The following NRG3 variants were observed in gnomAD, a reference collection of about 807,000 sequenced individuals.
NRG3 encodes pro-neuregulin-3, membrane-bound isoform.
Under a neutral mutation model 66.9 loss-of-function variants are expected in NRG3, and 31 were observed. That is an observed-to-expected ratio of 0.46 (90% confidence interval 0.35 to 0.63). The LOEUF (loss-of-function observed/expected upper bound fraction) is 0.63, where lower values mean the gene tolerates loss of function less well. NRG3 is among the 20% of genes least tolerant of loss of function. NRG3 has a pLI of 0.00. For missense variants in NRG3, 910 were observed against 878.9 expected, an observed-to-expected ratio of 1.04 and a Z score of -0.45; for synonymous variants, 393 against 359.4, an observed-to-expected ratio of 1.09 and a Z score of -1.06.
intron 1 of NRG3, among the ~76,000 whole-genome samples, chr10:82,013,233 A>G (rs2061650388): frequency 6.6e-6 from 1 of 152,164 alleles, no homozygotes; most frequent in Non-Finnish European, 1.5e-5. Context: ...TGTGCAGGGG[A>G]ACTCTCATTT....
intron 1 of NRG3, among the ~76,000 whole-genome samples, chr10:82,093,387 A>C (rs1450095068): frequency 6.6e-6 from 1 of 152,196 alleles, no homozygotes; most frequent in East Asian, 1.9e-4. Context: ...TGAATCTTGC[A>C]CCTCAGGTGC....
At chr10:82,612,621 T>G (rs2133518094) in intron 2 of NRG3, among the ~76,000 whole-genome samples, 1 of 152,306 alleles carries the variant, frequency 6.6e-6, no homozygotes, top group East Asian at 1.9e-4. Context: ...CAGTTTAAAA[T>G]GAATGTCTTT....
chr10:82,156,987 A>T (rs957110009), intron 1 of NRG3, among the ~76,000 whole-genome samples: 3 of 151,676 alleles, frequency 2.0e-5, no homozygotes, highest in Admixed American at 2.0e-4. Context: ...CTACATTGTC[A>T]TTGCATCGGC....
At chr10:82,094,241 T>C (rs560359644) in intron 1 of NRG3, among the ~76,000 whole-genome samples, 75 of 152,316 alleles carry the variant, frequency 4.9e-4, no homozygotes, top group Admixed American at 2.4e-3. Flanking sequence ...TGGCCTTATA[T>C]TGAATTGCAG....
intron 1 of NRG3, among the ~76,000 whole-genome samples, chr10:81,918,972 A>ACAC (rs10629762): frequency 0.052 from 6,732 of 129,434 alleles, 217 homozygotes; most frequent in African/African-American, 0.11. Context: ...GCATCATAAC[A>ACAC]AAACACACAC....
intron 2 of NRG3, among the ~76,000 whole-genome samples, chr10:82,408,529 G>T (rs2087797548): frequency 6.6e-6 from 1 of 151,678 alleles, no homozygotes; most frequent in Admixed American, 6.6e-5. Context: ...AATTTATAAA[G>T]TTATTACATA....
intron 2 of NRG3, among the ~76,000 whole-genome samples, chr10:82,401,285 C>T (rs2087084445): frequency 6.6e-6 from 1 of 151,522 alleles, no homozygotes; most frequent in Non-Finnish European, 1.5e-5. Flanking sequence ...CTATAATATA[C>T]AAAATTTATA....
chr10:82,093,168 ATCC>A (rs1439938399), intron 1 of NRG3, among the ~76,000 whole-genome samples: 2 of 152,204 alleles, frequency 1.3e-5, no homozygotes, highest in African/African-American at 4.8e-5. Context: ...TACTGTTATC[ATCC>A]TCATTATTCA....
At chr10:82,286,861 C>G (rs1238018453) in intron 1 of NRG3, among the ~76,000 whole-genome samples, 1 of 152,176 alleles carries the variant, frequency 6.6e-6, no homozygotes, top group Non-Finnish European at 1.5e-5. Flanking sequence ...GCTGGGATTA[C>G]AGGCGTGAGC....
chr10:82,250,430 CA>C (rs577276461), intron 1 of NRG3, among the ~76,000 whole-genome samples: 59 of 152,008 alleles, frequency 3.9e-4, no homozygotes, highest in African/African-American at 1.4e-3. Context: ...ACTAAAAATA[CA>C]AAAAATTATC....
At chr10:82,398,818 T>C (rs564097134) in intron 2 of NRG3, among the ~76,000 whole-genome samples, 1 of 152,232 alleles carries the variant, frequency 6.6e-6, no homozygotes, top group East Asian at 1.9e-4. Context: ...CTTCAGGACC[T>C]GCCATGATGC....
intron 5 of NRG3, among the ~76,000 whole-genome samples, chr10:82,957,715 T>C (rs1850194521): frequency 6.6e-6 from 1 of 150,500 alleles, no homozygotes; most frequent in African/African-American, 2.5e-5. Context: ...CTATTGATCC[T>C]TGTAGCCAAG....
At chr10:82,643,947 C>T (rs2050763478) in intron 2 of NRG3, among the ~76,000 whole-genome samples, 2 of 151,628 alleles carry the variant, frequency 1.3e-5, no homozygotes, top group African/African-American at 4.8e-5. Context: ...ATGTTTGATC[C>T]TTGACTAACC....
chr10:82,300,118 G>A (rs769217201), intron 1 of NRG3, among the ~76,000 whole-genome samples: 3 of 152,144 alleles, frequency 2.0e-5, no homozygotes, highest in Non-Finnish European at 4.4e-5. Context: ...CACATTGTTA[G>A]TTTGGGGATT....
chr10:82,761,500 T>C (rs2135064049), intron 3 of NRG3, among the ~76,000 whole-genome samples: 1 of 152,216 alleles, frequency 6.6e-6, no homozygotes, highest in African/African-American at 2.4e-5. Flanking sequence ...ACAAACATTT[T>C]GTTAGAAAAT....
chr10:81,943,262 T>A (rs1848553303), intron 1 of NRG3, among the ~76,000 whole-genome samples: 1 of 152,060 alleles, frequency 6.6e-6, no homozygotes, highest in African/African-American at 2.4e-5. Context: ...ATGTCTGTAG[T>A]TTCAGTTACT....
intron 3 of NRG3, among the ~76,000 whole-genome samples, chr10:82,791,678 A>G (rs1355738822): frequency 6.6e-6 from 1 of 152,176 alleles, no homozygotes; most frequent in African/African-American, 2.4e-5. Flanking sequence ...GAGATTTTCA[A>G]AGCCCAGTAG....
At chr10:82,830,379 A>G (rs932401716) in intron 3 of NRG3, among the ~76,000 whole-genome samples, 3 of 152,214 alleles carry the variant, frequency 2.0e-5, no homozygotes, top group African/African-American at 7.2e-5. Flanking sequence ...TTTTCCTTCT[A>G]GGACAGTGGC....
At chr10:82,806,336 G>A (rs1170053231) in intron 3 of NRG3, among the ~76,000 whole-genome samples, 2 of 152,154 alleles carry the variant, frequency 1.3e-5, no homozygotes, top group Non-Finnish European at 2.9e-5. Context: ...AGATAAGACG[G>A]CATTATTTTC....
Sources: gnomAD v4.1 joint callset for allele counts (sites outside exome capture counted in the v4.1 genomes callset) on GRCh38, gnomAD v4.1.1 for gene constraint, MANE v1.5 for transcripts, NCBI Gene and HGNC (gene_info 2026-07-23, HGNC 2026-07-21) for gene names.